MALRD1: variants seen among roughly 807,000 people sequenced by gnomAD.
MALRD1 encodes MAM and LDL receptor class A domain containing 1.
A neutral mutation model predicts 242.1 loss-of-function variants in MALRD1; 247 were observed. That is an observed-to-expected ratio of 1.02 (90% CI 0.92 to 1.13). MALRD1 has a LOEUF of 1.13. Ranked by LOEUF, MALRD1 falls within the 50% of genes most tolerant of loss-of-function variation. The pLI, the probability that MALRD1 is intolerant of heterozygous loss-of-function variation, is 0.00. For missense variants in MALRD1, 2,989 were observed against 2,533.1 expected, an observed-to-expected ratio of 1.18 and a Z score of -3.86; for synonymous variants, 995 against 866.6, an observed-to-expected ratio of 1.15 and a Z score of -2.60.
chr10:19,342,266 C>T (rs1023185673), intron 24 of MALRD1, among the ~76,000 whole-genome samples: 1 of 152,044 alleles, frequency 6.6e-6, no homozygotes, highest in South Asian at 2.1e-4. Context: ...AAACGACTGA[C>T]CTGCGTCATT....
intron 21 of MALRD1, among the ~76,000 whole-genome samples, chr10:19,288,882 C>T (rs941611843): frequency 4.6e-5 from 7 of 152,154 alleles, no homozygotes; most frequent in Non-Finnish European, 7.4e-5. Context: ...TGTGTGGGAC[C>T]TCCTTCTGCA....
chr10:19,710,173 G>A (rs1834042471), intron 38 of MALRD1, among the ~76,000 whole-genome samples: 1 of 152,106 alleles, frequency 6.6e-6, no homozygotes, highest in Non-Finnish European at 1.5e-5. Flanking sequence ...CCTCACTTTA[G>A]ACTATTTAAT....
intron 21 of MALRD1, among the ~76,000 whole-genome samples, chr10:19,285,110 T>C (rs1372776929): frequency 7.2e-6 from 1 of 138,384 alleles, no homozygotes; most frequent in Non-Finnish European, 1.5e-5. Flanking sequence ...TTTGTTTTTT[T>C]CTTGTAAATT....
intron 29 of MALRD1, among the ~76,000 whole-genome samples, chr10:19,460,059 A>G (rs529587142): frequency 2.6e-5 from 4 of 152,166 alleles, no homozygotes; most frequent in African/African-American, 4.8e-5. Flanking sequence ...GGACCATTGC[A>G]TAGAGTTTTT....
intron 32 of MALRD1, among the ~76,000 whole-genome samples, chr10:19,561,150 A>T (rs1183459902): frequency 6.6e-6 from 1 of 152,140 alleles, no homozygotes. Flanking sequence ...TCTCCCTGTT[A>T]TTGACTTCTA....
intron 35 of MALRD1, among the ~76,000 whole-genome samples, chr10:19,610,009 C>G (rs1259278540): frequency 6.6e-6 from 1 of 151,838 alleles, no homozygotes; most frequent in African/African-American, 2.4e-5. Flanking sequence ...ATTTAAAAAA[C>G]AAACCAAAAC....
chr10:19,475,138 G>T (rs1198391393), intron 29 of MALRD1, among the ~76,000 whole-genome samples: 2 of 152,190 alleles, frequency 1.3e-5, no homozygotes, highest in Admixed American at 1.3e-4. Flanking sequence ...CTTTCTGGCC[G>T]GGCGCAGTGG....
intron 33 of MALRD1, among the ~76,000 whole-genome samples, chr10:19,576,638 A>G (rs1426525880): frequency 6.6e-6 from 1 of 152,164 alleles, no homozygotes; most frequent in Non-Finnish European, 1.5e-5. Flanking sequence ...CTATAAAATG[A>G]TCCCATCAAA....
intron 18 of MALRD1, among the ~76,000 whole-genome samples, chr10:19,236,550 A>G (rs1838324622): frequency 6.6e-6 from 1 of 152,116 alleles, no homozygotes; most frequent in Non-Finnish European, 1.5e-5. Context: ...TTCTTCCCTC[A>G]TTCCTCTGCC....
chr10:19,254,249 A>G (rs1839414007), intron 18 of MALRD1, among the ~76,000 whole-genome samples: 3 of 151,952 alleles, frequency 2.0e-5, no homozygotes, highest in African/African-American at 7.2e-5. Context: ...TTTCACTTTA[A>G]TGCTTTTGAG....
intron 29 of MALRD1, among the ~76,000 whole-genome samples, chr10:19,462,938 G>A (rs763844250): frequency 6.6e-6 from 1 of 152,126 alleles, no homozygotes; most frequent in African/African-American, 2.4e-5. Flanking sequence ...CACATACCTG[G>A]TGTCTTTTAA....
Position 19,049,054 on chromosome 10 carries a change from A to T in MALRD1, c.116A>T (p.Gln39Leu). The T allele has an allele frequency of 1.6e-6, 2 of 1,233,924 alleles. No individual in the cohort carries two copies. Among genetic ancestry groups the T allele is most frequent in the Non-Finnish European group, 2.0e-6 (2 of 988,142 alleles). The allele number at this position is 1,233,924 out of a possible 1,614,324, so 76.4% of individuals were successfully genotyped here. ...TLAQQGTESF[Q>L]CDNGVSLPPD... ...GCTCAGCAAGGGACAGAAAGCTTTC[A>T]GTGTGACAATGGAGTCTCCTTGCCT... The change falls in exon 1 of 40, where the codon CAG (glutamine) becomes CTG (leucine). Residue 39 changes from glutamine to leucine, a missense_variant. Coordinates refer to ENST00000454679, the MANE Select transcript of MALRD1 (RefSeq NM_001142308.3).
At chr10:19,343,303 C>A (rs1193561500) in intron 24 of MALRD1, among the ~76,000 whole-genome samples, 1 of 151,966 alleles carries the variant, frequency 6.6e-6, no homozygotes, top group Admixed American at 6.6e-5. Flanking sequence ...ATACTATGTA[C>A]CCTTCATGCA....
chr10:19,493,707 G>T (rs1419471825), intron 30 of MALRD1, among the ~76,000 whole-genome samples: 1 of 151,964 alleles, frequency 6.6e-6, no homozygotes, highest in Non-Finnish European at 1.5e-5. Context: ...CCAGCCACTT[G>T]GGAGGCTGAG....
intron 33 of MALRD1, among the ~76,000 whole-genome samples, chr10:19,585,157 G>C (rs1157546506): frequency 6.6e-6 from 1 of 152,192 alleles, no homozygotes; most frequent in African/African-American, 2.4e-5. Context: ...ACAGCACACT[G>C]ATGGGTCTTG....
chr10:19,066,453 T>C (rs1834983163), intron 1 of MALRD1, among the ~76,000 whole-genome samples: 1 of 152,190 alleles, frequency 6.6e-6, no homozygotes, highest in Admixed American at 6.5e-5. Context: ...TTAATAAGAA[T>C]CAAAATCAGG....
intron 28 of MALRD1, among the ~76,000 whole-genome samples, chr10:19,409,734 T>A (rs906592751): frequency 1.3e-5 from 2 of 152,272 alleles, no homozygotes; most frequent in East Asian, 3.9e-4. Flanking sequence ...TTCATGTGAA[T>A]TCATAGTTAT....
intron 36 of MALRD1, among the ~76,000 whole-genome samples, chr10:19,658,902 A>G (rs937859897): frequency 1.3e-5 from 2 of 152,216 alleles, no homozygotes; most frequent in African/African-American, 4.8e-5. Flanking sequence ...ATTAAAAACA[A>G]TCTTGATTTT....
intron 36 of MALRD1, among the ~76,000 whole-genome samples, chr10:19,666,755 G>A (rs1841699237): frequency 6.6e-6 from 1 of 152,132 alleles, no homozygotes; most frequent in Non-Finnish European, 1.5e-5. Flanking sequence ...GGTAGCATAA[G>A]CCTTCATCAT....
Sources: gnomAD v4.1 joint callset for allele counts (sites outside exome capture counted in the v4.1 genomes callset) on GRCh38, gnomAD v4.1.1 for gene constraint, MANE v1.5 for transcripts, NCBI Gene and HGNC (gene_info 2026-07-23, HGNC 2026-07-21) for gene names.